PXYLP1: variants seen among roughly 807,000 people sequenced by gnomAD.
PXYLP1 encodes acid phosphatase-like 2.
PXYLP1 carries 17 observed loss-of-function variants against 37.9 expected under a neutral mutation model. That is an observed-to-expected ratio of 0.45 (90% CI 0.31 to 0.67). The LOEUF is 0.67. Ranked by LOEUF, PXYLP1 falls within the 30% of genes least tolerant of loss-of-function variation. The pLI is 0.07. For missense variants in PXYLP1, 511 were observed against 612.0 expected, an observed-to-expected ratio of 0.84 and a Z score of 1.74; for synonymous variants, 221 against 232.2, an observed-to-expected ratio of 0.95 and a Z score of 0.44.
chr3:141,285,720 A>T (rs1265576652), intron 4 of PXYLP1, among the ~76,000 whole-genome samples: 1 of 151,904 alleles, frequency 6.6e-6, no homozygotes, highest in Non-Finnish European at 1.5e-5. Flanking sequence ...AGAACATTTG[A>T]CTCCTGTTGA....
chr3:141,259,518 C>T (rs754677934), intron 1 of PXYLP1, among the ~76,000 whole-genome samples: 9 of 151,920 alleles, frequency 5.9e-5, no homozygotes, highest in Non-Finnish European at 1.2e-4. Context: ...CCAGAAGACC[C>T]ATGGATACAG....
chr3:141,279,898 C>T lies in PXYLP1; in HGVS notation c.365+394C>T, dbSNP rs76672575. On this transcript the variant is annotated intron_variant, in intron 4 of 5. Coordinates refer to ENST00000286353, the MANE Select transcript of PXYLP1 (RefSeq NM_001037172.3). ...AGCCTCCTACCTCTGAAACGGGGAT[C>T]ACAAGGCTCCCCATGCAAAGTTGGG... Among the ~76,000 whole-genome samples, 1,059 of 152,332 alleles carry T rather than the reference C, an allele frequency of 7.0e-3. 12 individuals carry two copies. Among genetic ancestry groups the T allele is most frequent in the African/African-American group, 0.024 (981 of 41,574 alleles).
At chr3:141,242,268 C>G (rs2107889877) in intron 1 of PXYLP1, among the ~76,000 whole-genome samples, 1 of 152,296 alleles carries the variant, frequency 6.6e-6, no homozygotes, top group Admixed American at 6.5e-5. Context: ...AATGAGGGCT[C>G]GCCTTGCCAC....
Position 141,294,364 on chromosome 3 carries a change from A to T in PXYLP1, c.*1159A>T, listed in dbSNP as rs1455424455. ...GATTCATTTTTAAACCATTTTCATCAGTTTCAAATGGTAAATTCTGATTGA... is the reference window on the plus strand; with the variant it reads ...GATTCATTTTTAAACCATTTTCATCTGTTTCAAATGGTAAATTCTGATTGA... On this transcript the variant is annotated 3_prime_UTR_variant, in exon 6 of 6. Coordinates refer to ENST00000286353, the MANE Select transcript of PXYLP1 (RefSeq NM_001037172.3). The T allele has an allele frequency of 1.3e-5, 2 of 152,194 alleles. No individual in the cohort carries two copies. Among genetic ancestry groups the T allele is most frequent in the African/African-American group, 4.8e-5 (2 of 41,444 alleles). The allele number at this position is 152,194 out of a possible 1,614,324, so 9.4% of individuals were successfully genotyped here.
chr3:141,252,465 C>G (rs1225874288), intron 1 of PXYLP1, among the ~76,000 whole-genome samples: 2 of 152,168 alleles, frequency 1.3e-5, no homozygotes, highest in Non-Finnish European at 2.9e-5. Context: ...CAGCGTATCA[C>G]ACGGTGAGAG....
At chr3:141,276,678 G>A (rs1240243286) in intron 2 of PXYLP1, among the ~76,000 whole-genome samples, 3 of 152,178 alleles carry the variant, frequency 2.0e-5, no homozygotes, top group African/African-American at 4.8e-5. Flanking sequence ...ATTCCAAGAC[G>A]TAGAATAACG....
chr3:141,287,018 C>A (rs535136313), intron 4 of PXYLP1, among the ~76,000 whole-genome samples: 1 of 152,254 alleles, frequency 6.6e-6, no homozygotes, highest in South Asian at 2.1e-4. Flanking sequence ...TCCCGGAGAG[C>A]GAGCCCGGAA....
chr3:141,254,935 A>G (rs1053354039), intron 1 of PXYLP1, among the ~76,000 whole-genome samples: 6 of 152,178 alleles, frequency 3.9e-5, no homozygotes, highest in Middle Eastern at 3.2e-3. Context: ...GACAGCCTGG[A>G]CCAGAGTTTG....
chr3:141,267,487 C>T (rs1941547218), intron 2 of PXYLP1: 1 of 151,932 alleles, frequency 6.6e-6, no homozygotes, highest in South Asian at 2.1e-4. Flanking sequence ...GTTTTAAATT[C>T]TGTATTTTTT....
At chr3:141,272,773 C>CT (rs57251596) in intron 2 of PXYLP1, 31,888 of 157,794 alleles carry the variant, frequency 0.2, 4,533 homozygotes, top group African/African-American at 0.42. Flanking sequence ...GCCAGCCTGT[C>CT]TATTCATATT....
At chr3:141,242,995 A>T (rs1940849216) in intron 1 of PXYLP1, among the ~76,000 whole-genome samples, 1 of 152,226 alleles carries the variant, frequency 6.6e-6, no homozygotes, top group African/African-American at 2.4e-5. Context: ...AGGTGAGGAC[A>T]CTGCAGCTCA....
intron 3 of PXYLP1, 132 bp downstream of exon 3, chr3:141,278,632 G>T (rs965771495): frequency 7.8e-5 from 89 of 1,137,542 alleles, no homozygotes; most frequent in Non-Finnish European, 1.0e-4. Context: ...GCCCTTGAAT[G>T]AGTTCCTGGG....
intron 2 of PXYLP1, among the ~76,000 whole-genome samples, chr3:141,270,754 T>C (rs769080775): frequency 5.3e-5 from 8 of 152,182 alleles, no homozygotes; most frequent in Non-Finnish European, 8.8e-5. Flanking sequence ...GGAGATTGGC[T>C]GGTTGTGCTT....
chr3:141,266,689 TGAGGGGGAGAGAGGGAGAGAC>T, intron 2 of PXYLP1, among the ~76,000 whole-genome samples: 1 of 39,210 alleles, frequency 2.6e-5, no homozygotes, highest in South Asian at 8.8e-4. Flanking sequence ...GAGGGAGAGA[TGAGGGGGAGAGAGGGAGAGAC>T]GGCGGGGGGA....
At chr3:141,237,591 C>A (rs1306843724) in intron 1 of PXYLP1, among the ~76,000 whole-genome samples, 2 of 152,176 alleles carry the variant, frequency 1.3e-5, no homozygotes, top group Non-Finnish European at 2.9e-5. Context: ...ATGATGAGGG[C>A]TTAGAAAAGC....
At chr3:141,251,364 C>T (rs1328540403) in intron 1 of PXYLP1, among the ~76,000 whole-genome samples, 1 of 152,086 alleles carries the variant, frequency 6.6e-6, no homozygotes, top group Non-Finnish European at 1.5e-5. Flanking sequence ...AGAAGAAAAA[C>T]GTCAGGATGG....
chr3:141,242,322 G>A (rs1039142830), intron 1 of PXYLP1, among the ~76,000 whole-genome samples: 6 of 152,188 alleles, frequency 3.9e-5, no homozygotes, highest in East Asian at 3.8e-4. Context: ...CATGGGGCCC[G>A]CTGGAGGCTG....
At chr3:141,235,189 T>C (rs979405715) in intron 1 of PXYLP1, 15 of 152,268 alleles carry the variant, frequency 9.9e-5, no homozygotes, top group Non-Finnish European at 1.5e-4. Flanking sequence ...AATGACCCCA[T>C]GGGAATCTGA....
chr3:141,276,638 G>C (rs991779003), intron 2 of PXYLP1, among the ~76,000 whole-genome samples: 1 of 152,096 alleles, frequency 6.6e-6, no homozygotes, highest in Admixed American at 6.6e-5. Context: ...TTTGTGCGTG[G>C]GCATCGCTAT....
Sources: allele counts gnomAD v4.1 joint callset (sites outside exome capture counted in the v4.1 genomes callset), GRCh38; gene constraint gnomAD v4.1.1; transcripts MANE v1.5; gene names NCBI Gene and HGNC (gene_info 2026-07-23, HGNC 2026-07-21).